The following CFAP46 variants were observed in gnomAD, a reference collection of about 807,000 sequenced individuals.
The protein encoded by CFAP46 is cilia and flagella associated protein 46.
A neutral mutation model predicts 325.7 loss-of-function variants in CFAP46; 245 were observed. That is an observed-to-expected ratio of 0.75 (90% CI 0.68 to 0.84). The LOEUF (loss-of-function observed/expected upper bound fraction) is 0.84, where lower values mean the gene tolerates loss of function less well. CFAP46 is among the 40% of genes least tolerant of loss of function. The pLI is 0.00. For missense variants in CFAP46, 3,346 were observed against 3,543.0 expected (o/e 0.94, Z 1.41); for synonymous variants, 1,523 against 1,495.9 (o/e 1.02, Z -0.42).
In CFAP46 at chr10:132,913,744, C is replaced by T. The variant is rs142265663; in HGVS notation, c.2121-486G>A. 8.2e-4 allele frequency among the ~76,000 whole-genome samples: 125 copies of T among 152,274 alleles called. 1 individual carries two copies. Among genetic ancestry groups the T allele is most frequent in the Admixed American group, 2.7e-3 (41 of 15,302 alleles). On this transcript the variant is annotated intron_variant, in intron 17 of 57. Transcript: ENST00000368586. ...GAGTGTGGACTCTTCCTATGAGACT[C>T]TCTTGTTTCCGGAAGTCTGTGGAGC...
In CFAP46 at chr10:132,919,970, G is replaced by A; in HGVS notation, c.1730+89C>T. The A allele has an allele frequency of 7.1e-7, 1 of 1,410,584 alleles. No individual in the cohort carries two copies. The highest frequency in any genetic ancestry group is 1.5e-5 in the African/African-American group (1 of 68,462). The allele number at this position is 1,410,584 out of a possible 1,614,324, so 87.4% of individuals were successfully genotyped here. On this transcript the variant is annotated intron_variant, in intron 14 of 57. Coordinates refer to ENST00000368586, the MANE Select transcript of CFAP46 (RefSeq NM_001200049.3). The surrounding 1 kb of genome is among the most constrained non-coding windows in gnomAD (Gnocchi z 9.7). ...GAGTCCCCAGACGGCCACATGCAGGGTCAGCTCAGCCGCCACAGACACTGG... is the reference window on the plus strand; with the variant it reads ...GAGTCCCCAGACGGCCACATGCAGGATCAGCTCAGCCGCCACAGACACTGG...
At chr10:132,816,485 C>T (rs1847698316) in intron 50 of CFAP46, among the ~76,000 whole-genome samples, 1 of 152,038 alleles carries the variant, frequency 6.6e-6, no homozygotes, top group Non-Finnish European at 1.5e-5. Context: ...GTACCCGCCA[C>T]CACGCCCGGC....
In CFAP46 at chr10:132,919,705, C is replaced by A. The variant is rs1399663247; in HGVS notation, c.1731-263G>T. 6.6e-6 allele frequency among the ~76,000 whole-genome samples: 1 copy of A among 152,072 alleles called. No homozygotes were observed. Among genetic ancestry groups the A allele is most frequent in the African/African-American group, 2.4e-5 (1 of 41,416 alleles). On this transcript the variant is annotated intron_variant, in intron 14 of 57. Coordinates refer to ENST00000368586, the MANE Select transcript of CFAP46 (RefSeq NM_001200049.3). This position sits in a 1 kb window ranked among gnomAD's most constrained non-coding sequence, Gnocchi z 9.7. ...AGAAGAAAGGCCACACAATCCACTC[C>A]CCGGGGGAGTGCACGGGACAGGCCT...
At chr10:132,835,571 G>A in intron 46 of CFAP46, 137 bp from the exon 47 acceptor site, 2 of 1,121,068 alleles carry the variant, frequency 1.8e-6, no homozygotes, top group Non-Finnish European at 2.5e-6. Flanking sequence ...CCTTCATGTG[G>A]GGTCCCCCTG....
chr10:132,837,532 C>T (rs1014803493), intron 44 of CFAP46, among the ~76,000 whole-genome samples: 3 of 151,506 alleles, frequency 2.0e-5, no homozygotes, highest in African/African-American at 7.3e-5. Context: ...CAGACACACG[C>T]ACACGTACAC....
In CFAP46 at chr10:132,913,375, G is replaced by A. The variant is rs1262066560; in HGVS notation, c.2121-117C>T. 16 of 585,662 alleles carry A rather than the reference G, an allele frequency of 2.7e-5. 3 individuals are homozygous for A. Among genetic ancestry groups the A allele is most frequent in the Middle Eastern group, 6.9e-4 (2 of 2,900 alleles). 36.3% of individuals were successfully genotyped at this position (585,662 alleles called of 1,614,324 possible). On this transcript the variant is annotated intron_variant, in intron 17 of 57. Transcript: ENST00000368586. The stretch of plus-strand genomic sequence containing the variant: ...CTGCAGGGCAAGAAGTGGGAGGGGC[G>A]GGTGGGCGGCGACCAAACTCCATCT...
chr10:132,810,293 C>T (rs1405053650), intron 57 of CFAP46, 116 bp downstream of exon 57: 3 of 860,700 alleles, frequency 3.5e-6, no homozygotes, highest in Admixed American at 1.8e-5. Context: ...AGTCCCAGGT[C>T]CCCCACGGAG....
At chr10:132,813,267 C>A (rs1211209133) in intron 54 of CFAP46, among the ~76,000 whole-genome samples, 1 of 152,026 alleles carries the variant, frequency 6.6e-6, no homozygotes, top group Non-Finnish European at 1.5e-5. Flanking sequence ...AGGGTTCCCT[C>A]CTTCCATACA....
rs116078472 is a variant in CFAP46, at chr10:132,808,672, C to T, written c.7897G>A (p.Ala2633Thr). Residue 2633 changes from alanine (A) to threonine (T), a missense_variant, in exon 58 of 58, where the codon GCT becomes ACT. Ala to Thr is a moderately conservative substitution (Grantham distance 58). Transcript: ENST00000368586. The surrounding 1 kb of genome is among the most constrained non-coding windows in gnomAD (Gnocchi z 6.8). The stretch of plus-strand genomic sequence containing the variant: ...GGGGAGAGGCCCAGGAAGGGGAGAG[C>T]GAGCTGGGAGCTGGGGATGGGAGCC... Reference protein sequence around the residue: ...LPAPIPSSQLALPFLGLSPAL... With the variant: ...LPAPIPSSQLTLPFLGLSPAL... The T allele has an allele frequency of 1.3e-5, 20 of 1,581,510 alleles. No individual in the cohort carries two copies. The highest frequency in any genetic ancestry group is 1.2e-4 in the East Asian group (5 of 42,964).
intron 26 of CFAP46, 111 bp downstream of exon 26, chr10:132,885,710 G>A (rs1849113180): frequency 9.3e-6 from 7 of 754,188 alleles, no homozygotes; most frequent in Admixed American, 5.7e-5. Context: ...ACCCCCGGTG[G>A]GGATGCAGTG....
At chr10:132,822,835 GTGC>G (rs1248887406) in intron 50 of CFAP46, among the ~76,000 whole-genome samples, 3 of 141,328 alleles carry the variant, frequency 2.1e-5, no homozygotes, top group Non-Finnish European at 4.7e-5. Context: ...GTGCTGATGT[GTGC>G]TGATGTGTGC....
At chr10:132,844,672 C>A (rs1168351893) in intron 44 of CFAP46, among the ~76,000 whole-genome samples, 1 of 152,176 alleles carries the variant, frequency 6.6e-6, no homozygotes, top group African/African-American at 2.4e-5. Context: ...GCACTCAGTC[C>A]TGCACACACA....
intron 50 of CFAP46, among the ~76,000 whole-genome samples, chr10:132,820,614 T>A (rs1362422527): frequency 6.3e-5 from 9 of 142,580 alleles, no homozygotes; most frequent in South Asian, 2.3e-4. Flanking sequence ...GTGTGCTGTG[T>A]GTGCTGATGT....
At position 132,812,870 on chromosome 10, in the gene CFAP46, G is replaced by T; in HGVS notation, c.7416C>A (p.Gly2472=). ...PSQAQWEQAL[G]SCSGFFFYGM... is the part of the protein sequence containing the mutation. ...CATAGAAGAAGAAACCGCTGCAGCTGCCCAGGGCCTGCTCCCACTGGGCCT... is the reference window on the plus strand; with the variant it reads ...CATAGAAGAAGAAACCGCTGCAGCTTCCCAGGGCCTGCTCCCACTGGGCCT... The change falls in exon 55 of 58, where the codon GGC becomes GGA. Residue 2472 remains glycine, a synonymous_variant. Coordinates refer to ENST00000368586, the MANE Select transcript of CFAP46 (RefSeq NM_001200049.3). 6.2e-7 allele frequency: 1 copy of T among 1,609,776 alleles called. No homozygotes were observed. Among genetic ancestry groups the T allele is most frequent in the South Asian group, 1.1e-5 (1 of 91,084 alleles).
intron 11 of CFAP46, 119 bp downstream of exon 11, chr10:132,924,577 G>C: frequency 2.0e-6 from 2 of 1,007,670 alleles, no homozygotes; most frequent in South Asian, 4.2e-5. Context: ...TTGAGTACAG[G>C]GGGAGTCTGT....
chr10:132,893,259 C>G (rs1480007127), intron 24 of CFAP46, among the ~76,000 whole-genome samples: 1 of 152,242 alleles, frequency 6.6e-6, no homozygotes, highest in Admixed American at 6.5e-5. Flanking sequence ...GGACAGTCCA[C>G]TGCAAGGGAA....
chr10:132,836,897 G>T lies in CFAP46; in HGVS notation c.6456C>A (p.Cys2152Ter). 1 of 1,613,866 alleles carries T rather than the reference G, an allele frequency of 6.2e-7. No individual in the cohort carries two copies. The highest frequency in any genetic ancestry group is 8.5e-7 in the Non-Finnish European group (1 of 1,179,944). Residue 2152 changes from cysteine to a stop codon, truncating the protein, a stop_gained, in exon 45 of 58, where the codon TGC becomes TGA. Coordinates refer to ENST00000368586, the MANE Select transcript of CFAP46 (RefSeq NM_001200049.3). LOFTEE classifies it high-confidence loss of function. Reference sequence around the variant, plus strand: ...AGAGGTTAAAATGCTGCTCAGTGACGCAGAGATTTTGCCAAGCCTGTGTGG... The same window carrying T: ...AGAGGTTAAAATGCTGCTCAGTGACTCAGAGATTTTGCCAAGCCTGTGTGG... ...AAVSKAWQNL[C>*]VTEQHFNLLN...
chr10:132,838,969 A>G (rs1347164557), intron 44 of CFAP46, among the ~76,000 whole-genome samples: 2 of 152,212 alleles, frequency 1.3e-5, no homozygotes, highest in Non-Finnish European at 2.9e-5. Context: ...TTCCCTGACT[A>G]ATGAACTTGA....
chr10:132,852,330 A>C (rs61248099), intron 39 of CFAP46, among the ~76,000 whole-genome samples: 431 of 65,240 alleles, frequency 6.6e-3, no homozygotes, highest in Middle Eastern at 9.8e-3. Context: ...TTTACTTAGG[A>C]ATTCTCAGAT....
Sources: gnomAD v4.1 joint callset for allele counts (sites outside exome capture counted in the v4.1 genomes callset) on GRCh38, gnomAD v4.1.1 for gene constraint, Gnocchi (gnomAD v3.1) non-coding constraint, MANE v1.5 for transcripts, NCBI Gene and HGNC (gene_info 2026-07-23, HGNC 2026-07-21) for gene names.